MIB1: variants seen among roughly 807,000 people sequenced by gnomAD.
The protein encoded by MIB1 is MIB E3 ubiquitin protein ligase 1, also known as E3 ubiquitin-protein ligase MIB1.
Under a neutral mutation model 124.5 loss-of-function variants are expected in MIB1, and 278 were observed. That is an observed-to-expected ratio of 2.23 (90% CI 2.02 to 2.47). The LOEUF (loss-of-function observed/expected upper bound fraction) is 2.47. Ranked by LOEUF, MIB1 falls within the 30% of genes most tolerant of loss-of-function variation. The pLI, the probability that MIB1 is intolerant of heterozygous loss-of-function variation, is 0.00. For synonymous variants in MIB1, 446 were observed against 429.4 expected (o/e 1.04, Z -0.48); for missense variants, 957 against 1,254.4 (o/e 0.76, Z 3.58).
At chr18:21,861,662 A>C (rs984587770) in intron 20 of MIB1, among the ~76,000 whole-genome samples, 72 of 146,690 alleles carry the variant, frequency 4.9e-4, no homozygotes, top group Non-Finnish European at 8.9e-4. Flanking sequence ...AAAAAAAAAA[A>C]CAAACAACAA....
At chr18:21,748,267 A>C (rs2040932695) in intron 1 of MIB1, among the ~76,000 whole-genome samples, 1 of 152,156 alleles carries the variant, frequency 6.6e-6, no homozygotes. Flanking sequence ...TTTAGAAATG[A>C]AACTTTGTGA....
chr18:21,741,919 C>T lies in MIB1; in HGVS notation c.229+107C>T. 7.1e-6 allele frequency: 7 copies of T among 986,708 alleles called. No individual in the cohort carries two copies. The highest frequency in any genetic ancestry group is 8.6e-6 in the Non-Finnish European group (6 of 694,312). 61.1% of individuals were successfully genotyped at this position (986,708 alleles called of 1,614,324 possible). A position where few individuals can be genotyped will look rare whatever the true frequency, so the allele number is the denominator to read the frequency against. On this transcript the variant is annotated intron_variant, in intron 1 of 20. Transcript: ENST00000261537. The surrounding 1 kb of genome is among the most constrained non-coding windows in gnomAD (Gnocchi z 5.4). ...GGTCTGCAGTGGGACACCTGGTGGG[C>T]AGCGCCCGGCTGGAGCGAGCGGAAA... is the stretch of plus-strand genomic sequence containing the variant.
intron 1 of MIB1, among the ~76,000 whole-genome samples, chr18:21,753,140 A>C (rs935014111): frequency 1.9e-4 from 29 of 152,122 alleles, no homozygotes; most frequent in Admixed American, 1.8e-3. Context: ...AAGGGATTAA[A>C]CCTTCAGAAT....
rs1044625688 is a variant in MIB1 at position 21,865,329 on chromosome 18, C to G, written c.*663C>G. 4.6e-5 allele frequency: 7 copies of G among 151,960 alleles called. No individual in the cohort carries two copies. Among genetic ancestry groups the G allele is most frequent in the African/African-American group, 1.4e-4 (6 of 41,444 alleles). The allele number at this position is 151,960 out of a possible 1,614,324, so 9.4% of individuals were successfully genotyped here. On this transcript the variant is annotated 3_prime_UTR_variant, in exon 21 of 21. Coordinates refer to ENST00000261537, the MANE Select transcript of MIB1 (RefSeq NM_020774.4). ...ACATTGTTTAACTTGAATCAGATTA[C>G]CAGTTTCAAGGTGACTGATAGACAA...
At chr18:21,797,348 G>A (rs1568206017) in intron 7 of MIB1, among the ~76,000 whole-genome samples, 1 of 152,060 alleles carries the variant, frequency 6.6e-6, no homozygotes, top group Non-Finnish European at 1.5e-5. Flanking sequence ...ATAATAAAAA[G>A]TTGAGGGGAA....
At chr18:21,846,735 C>A (rs2042137709) in intron 15 of MIB1, among the ~76,000 whole-genome samples, 1 of 152,108 alleles carries the variant, frequency 6.6e-6, no homozygotes, top group Non-Finnish European at 1.5e-5. Flanking sequence ...GTTTGGTCCA[C>A]CTCTGCAGCT....
chr18:21,764,416 G>A (rs971702758), intron 1 of MIB1, among the ~76,000 whole-genome samples: 10 of 152,098 alleles, frequency 6.6e-5, no homozygotes, highest in Non-Finnish European at 1.0e-4. Context: ...TTATCGGGAA[G>A]TACCCAGTAG....
At chr18:21,817,648 C>G in intron 11 of MIB1, 1 of 426,486 alleles carries the variant, frequency 2.3e-6, no homozygotes. Context: ...CCTGGGATAT[C>G]ATTTTTTCTA....
intron 7 of MIB1, among the ~76,000 whole-genome samples, chr18:21,796,467 G>T (rs1453182474): frequency 6.6e-6 from 1 of 152,106 alleles, no homozygotes; most frequent in Non-Finnish European, 1.5e-5. Flanking sequence ...AAACCTAGAT[G>T]ATGGGTTGAT....
At chr18:21,860,098 C>CTTTTTTTT (rs398032096) in intron 20 of MIB1, among the ~76,000 whole-genome samples, 433 of 26,460 alleles carry the variant, frequency 0.016, 125 homozygotes, top group African/African-American at 0.032. Flanking sequence ...TTCTTTATGT[C>CTTTTTTTT]TTTTTTTTTT....
At chr18:21,710,034 CAAAG>C (rs2040658765) in intron 1 of MIB1, among the ~76,000 whole-genome samples, 1 of 151,932 alleles carries the variant, frequency 6.6e-6, no homozygotes, top group African/African-American at 2.4e-5. Context: ...GATGAAGAAA[CAAAG>C]AAAATGAAAT....
intron 6 of MIB1, among the ~76,000 whole-genome samples, chr18:21,781,366 TA>T (rs1253828773): frequency 0.11 from 122 of 1,138 alleles, 5 homozygotes; most frequent in South Asian, 0.39. Flanking sequence ...CTGTTCAAGT[TA>T]TATATATATA....
intron 8 of MIB1, among the ~76,000 whole-genome samples, chr18:21,799,038 A>G (rs969616615): frequency 2.0e-5 from 3 of 152,050 alleles, no homozygotes; most frequent in African/African-American, 7.2e-5. Flanking sequence ...TTGAGGTTAA[A>G]TGACACCATA....
intron 1 of MIB1, 116 bp from the exon 2 acceptor site, chr18:21,765,656 C>T: frequency 1.0e-6 from 1 of 982,280 alleles, no homozygotes; most frequent in South Asian, 1.7e-5. Flanking sequence ...AGTGTTATTT[C>T]CTAATTTATT....
At chr18:21,860,096 G>GTTTTTTTTTT (rs1568230537) in intron 20 of MIB1, among the ~76,000 whole-genome samples, 3 of 53,298 alleles carry the variant, frequency 5.6e-5, no homozygotes, top group African/African-American at 1.1e-4. Flanking sequence ...TGTTCTTTAT[G>GTTTTTTTTTT]TCTTTTTTTT....
At chr18:21,744,793 T>A (rs1427762589) in intron 1 of MIB1, among the ~76,000 whole-genome samples, 1 of 152,264 alleles carries the variant, frequency 6.6e-6, no homozygotes, top group Non-Finnish European at 1.5e-5. Context: ...TCTCATTAAT[T>A]ATAGCGTTAA....
intron 7 of MIB1, among the ~76,000 whole-genome samples, chr18:21,793,438 A>G (rs1483784987): frequency 3.9e-5 from 6 of 152,188 alleles, no homozygotes; most frequent in South Asian, 2.1e-4. Flanking sequence ...TCCCATACAC[A>G]GTTATTATTG....
At chr18:21,805,437 A>G (rs898348352) in intron 10 of MIB1, among the ~76,000 whole-genome samples, 17 of 152,196 alleles carry the variant, frequency 1.1e-4, no homozygotes, top group African/African-American at 3.9e-4. Flanking sequence ...TTTAAGTTGC[A>G]TCTTTCTTGA....
In MIB1 at chr18:21,803,974, T is replaced by C. The variant is rs1352668186; in HGVS notation, c.1439T>C (p.Leu480Ser). The change falls in exon 10 of 21, where the codon TTG becomes TCG. Residue 480 changes from leucine to serine, a missense_variant. By Grantham distance (145) the Leu-to-Ser change is moderately radical. Transcript: ENST00000261537. ...AGTCAGAATGGACATGTTGACATTTTGAAGTTACTTTTGAAGCAAAACGTG... is the reference window on the plus strand; with the variant it reads ...AGTCAGAATGGACATGTTGACATTTCGAAGTTACTTTTGAAGCAAAACGTG... Reference protein sequence around the residue: ...AASQNGHVDILKLLLKQNVDV... With the variant: ...AASQNGHVDISKLLLKQNVDV... 1 of 1,613,818 alleles carries C rather than the reference T, an allele frequency of 6.2e-7. No individual in the cohort carries two copies.
Sources: allele counts gnomAD v4.1 joint callset (sites outside exome capture counted in the v4.1 genomes callset), GRCh38; gene constraint gnomAD v4.1.1; non-coding constraint Gnocchi (gnomAD v3.1); transcripts MANE v1.5; gene names NCBI Gene and HGNC (gene_info 2026-07-23, HGNC 2026-07-21).